The following CHST15 variants were observed in gnomAD, a reference collection of about 807,000 sequenced individuals.
The protein encoded by CHST15 is B cell RAG associated protein (GALNAC4S-6ST).
In CHST15, 30 loss-of-function variants were observed where a neutral mutation model predicts 53.6. That is an observed-to-expected ratio of 0.56 (90% confidence interval 0.42 to 0.76). The LOEUF (loss-of-function observed/expected upper bound fraction) is 0.76. Ranked by LOEUF, CHST15 falls within the 30% of genes least tolerant of loss-of-function variation. The probability of loss-of-function intolerance (pLI) is 0.00; values close to 1 mark genes in which losing one functional copy is unlikely to be tolerated. For synonymous variants in CHST15, 296 were observed against 289.8 expected (o/e 1.02, Z -0.22); for missense variants, 627 against 740.5 (o/e 0.85, Z 1.78).
At chr10:124,045,022 A>G (rs1947912121) in intron 2 of CHST15, 103 bp from the exon 3 acceptor site, 1 of 632,512 alleles carries the variant, frequency 1.6e-6, no homozygotes. Context: ...ACCGTGTTCA[A>G]ATTTGAACTA....
Position 124,045,861 on chromosome 10 carries a change from T to A in CHST15, c.352A>T (p.Ser118Cys), listed in dbSNP as rs1394426718. ...TCGCTGTCCATCAAGCTGGGGTTGC[T>A]GGGGAAGCCTCCGTAATGGAAAGGT... ...SSPFHYGGFP[S>C]NPSLMDSENP... Residue 118 changes from serine (S) to cysteine (C), a missense_variant, in exon 2 of 8, where the codon AGC (serine) becomes TGC (cysteine). Around this residue, in one of 3 missense-constraint regions of CHST15, gnomAD observed 187 missense variants for 251.8 expected, o/e 0.74. Transcript: ENST00000435907. 1.2e-6 allele frequency: 2 copies of A among 1,614,002 alleles called. No homozygotes were observed. The highest frequency in any genetic ancestry group is 8.5e-7 in the Non-Finnish European group (1 of 1,179,974).
chr10:124,032,950 A>G (rs1338873901), intron 5 of CHST15, among the ~76,000 whole-genome samples: 1 of 152,220 alleles, frequency 6.6e-6, no homozygotes, highest in Non-Finnish European at 1.5e-5. Flanking sequence ...AAAACTAAAA[A>G]TAAAAGTGGT....
intron 5 of CHST15, among the ~76,000 whole-genome samples, chr10:124,025,636 G>A (rs1946971864): frequency 6.6e-6 from 1 of 152,220 alleles, no homozygotes; most frequent in African/African-American, 2.4e-5. Flanking sequence ...CAAGTCTGAA[G>A]CCCAGCCCCT....
intron 3 of CHST15, 84 bp from the exon 4 acceptor site, chr10:124,042,531 G>A: frequency 6.7e-7 from 1 of 1,503,734 alleles, no homozygotes; most frequent in Non-Finnish European, 9.1e-7. Flanking sequence ...ACCAAAGAGA[G>A]ATGGAAAGGC....
At chr10:124,058,776 G>C (rs1199558886) in intron 1 of CHST15, among the ~76,000 whole-genome samples, 1 of 152,214 alleles carries the variant, frequency 6.6e-6, no homozygotes, top group Non-Finnish European at 1.5e-5. Flanking sequence ...ACAAGCTCCA[G>C]AAAGCATGGC....
At chr10:124,085,589 C>T (rs951980216) in intron 1 of CHST15, among the ~76,000 whole-genome samples, 1 of 152,188 alleles carries the variant, frequency 6.6e-6, no homozygotes, top group Non-Finnish European at 1.5e-5. Context: ...CAGTCACTGG[C>T]CACTAAGTGA....
chr10:124,044,045 A>AGG (rs1947849611), intron 3 of CHST15, among the ~76,000 whole-genome samples: 22 of 144,418 alleles, frequency 1.5e-4, no homozygotes, highest in Admixed American at 1.4e-3. Flanking sequence ...CACAGAGCCA[A>AGG]GGAACAGCAC....
At chr10:124,025,235 C>G (rs1946950609) in intron 5 of CHST15, among the ~76,000 whole-genome samples, 1 of 152,218 alleles carries the variant, frequency 6.6e-6, no homozygotes, top group Admixed American at 6.5e-5. Context: ...CTAGGAAAAA[C>G]TGGGACATAC....
At chr10:124,018,558 G>A (rs1946662683) in intron 6 of CHST15, among the ~76,000 whole-genome samples, 1 of 152,244 alleles carries the variant, frequency 6.6e-6, no homozygotes, top group Non-Finnish European at 1.5e-5. Flanking sequence ...AGATTAGGAT[G>A]TACAGGGAGG....
At chr10:124,086,986 G>C (rs957352250) in intron 1 of CHST15, among the ~76,000 whole-genome samples, 1 of 152,214 alleles carries the variant, frequency 6.6e-6, no homozygotes, top group Non-Finnish European at 1.5e-5. Flanking sequence ...GGCTAAAAGA[G>C]CTTCCGTGTC....
At chr10:124,085,721 C>A (rs1406953223) in intron 1 of CHST15, among the ~76,000 whole-genome samples, 1 of 152,050 alleles carries the variant, frequency 6.6e-6, no homozygotes, top group African/African-American at 2.4e-5. Flanking sequence ...GGGACAGGGT[C>A]AAGGTTGAGA....
At position 124,027,836 on chromosome 10, in the gene CHST15, C is replaced by A. The variant is rs547323641; in HGVS notation, c.1191-6424G>T. On this transcript the variant is annotated intron_variant, in intron 5 of 7. Transcript: ENST00000435907. Reference sequence around the variant, plus strand: ...GGGCTGGGACCCAAACAAACCCAGGCCTGCCTGACCCCAAAGCGCCTCACC... The same window carrying A: ...GGGCTGGGACCCAAACAAACCCAGGACTGCCTGACCCCAAAGCGCCTCACC... Among the ~76,000 whole-genome samples the A allele has an allele frequency of 1.6e-3, 237 of 152,340 alleles. 1 individual carries two copies. The highest frequency in any genetic ancestry group is 5.4e-3 in the African/African-American group (224 of 41,580).
chr10:124,010,223 C>T lies in CHST15; in HGVS notation c.1612G>A (p.Asp538Asn). 6.2e-7 allele frequency: 1 copy of T among 1,614,132 alleles called. No homozygotes were observed. Among genetic ancestry groups the T allele is most frequent in the Non-Finnish European group, 8.5e-7 (1 of 1,180,050 alleles). Residue 538 changes from aspartate (D) to asparagine (N), a missense_variant, in exon 8 of 8, where the codon GAT (aspartate) becomes AAT (asparagine). By Grantham distance (23) the Asp-to-Asn change is conservative. Transcript: ENST00000435907. ...CTAGCGTTGAAGGGCCTGTAGAAAT[C>T]CCGCAGAATCTTCTGTGTGATGGGC... Reference protein sequence around the residue: ...MWPITQKILRDFYRPFNARLA... With the variant: ...MWPITQKILRNFYRPFNARLA...
intron 1 of CHST15, among the ~76,000 whole-genome samples, chr10:124,079,320 A>G (rs1949169497): frequency 6.6e-6 from 1 of 152,192 alleles, no homozygotes; most frequent in Admixed American, 6.5e-5. Context: ...CCAGAAAGAG[A>G]TTTAAAGTTT....
chr10:124,009,555 A>C lies in CHST15; in HGVS notation c.*594T>G, dbSNP rs1046068870. 4.0e-6 allele frequency: 4 copies of C among 988,868 alleles called. No individual in the cohort carries two copies. Among genetic ancestry groups the C allele is most frequent in the Non-Finnish European group, 4.8e-6 (4 of 831,958 alleles). 61.3% of individuals were successfully genotyped at this position (988,868 alleles called of 1,614,324 possible). On this transcript the variant is annotated 3_prime_UTR_variant, in exon 8 of 8. Transcript: ENST00000435907. ...GGAGTAAAGGAGAAAAAAAAAATGA[A>C]GAGCCTCCATTCTCGAAAGACTGCG... is the stretch of plus-strand genomic sequence containing the variant.
At position 124,044,828 on chromosome 10, in the gene CHST15, TAGGGGTCGGTGGTGTTCTGCCCCG is replaced by T; in HGVS notation, c.614_637del (p.Ser205_Pro212del). ...GTAGAGCACGTAGGAGTTGGTGAGG[TAGGGGTCGGTGGTGTTCTGCCCCG>T]AGAACTCCTCGTACCAACAGGGGCT... is the stretch of plus-strand genomic sequence containing the variant. On this transcript the variant is annotated inframe_deletion, in exon 3 of 8. Transcript: ENST00000435907. The T allele has an allele frequency of 6.4e-7, 1 of 1,571,736 alleles. No homozygotes were observed. Among genetic ancestry groups the T allele is most frequent in the Non-Finnish European group, 8.7e-7 (1 of 1,156,052 alleles).
chr10:124,089,885 G>A (rs528685742), intron 1 of CHST15, among the ~76,000 whole-genome samples: 1 of 152,300 alleles, frequency 6.6e-6, no homozygotes, highest in South Asian at 2.1e-4. Flanking sequence ...CTCAGCTGTA[G>A]GATCTATTTG....
At chr10:124,092,995 G>T (rs1365830892) in intron 1 of CHST15, among the ~76,000 whole-genome samples, 2 of 152,298 alleles carry the variant, frequency 1.3e-5, no homozygotes, top group African/African-American at 4.8e-5. Flanking sequence ...GCGCCACCAC[G>T]CCACTGCTCG....
rs772230922 is a variant in CHST15 at position 124,010,218 on chromosome 10, GAAATCC to G, written c.1611_1616del (p.Asp538_Phe539del). The stretch of plus-strand genomic sequence containing the variant: ...CCAGCCTAGCGTTGAAGGGCCTGTA[GAAATCC>G]CGCAGAATCTTCTGTGTGATGGGCC... On this transcript the variant is annotated inframe_deletion, in exon 8 of 8. Transcript: ENST00000435907. 6.2e-7 allele frequency: 1 copy of G among 1,614,000 alleles called. No homozygotes were observed. Among genetic ancestry groups the G allele is most frequent in the African/African-American group, 1.3e-5 (1 of 74,940 alleles).
Sources: gnomAD v4.1 joint callset for allele counts (sites outside exome capture counted in the v4.1 genomes callset) on GRCh38, gnomAD v4.1.1 for gene constraint, gnomAD v4.1.1 regional missense constraint, MANE v1.5 for transcripts, NCBI Gene and HGNC (gene_info 2026-07-23, HGNC 2026-07-21) for gene names.